The following SAP30BP variants were observed in gnomAD, a reference collection of about 807,000 sequenced individuals.
SAP30BP encodes the protein SAP30 binding protein.
In SAP30BP, 31 loss-of-function variants were observed where a neutral mutation model predicts 46.3. The ratio of observed to expected loss-of-function variants is 0.67; its 90% confidence interval spans 0.50 to 0.90. The LOEUF (loss-of-function observed/expected upper bound fraction) is 0.90. SAP30BP is among the 40% of genes least tolerant of loss of function. The pLI is 0.00. For synonymous variants in SAP30BP, 169 were observed against 144.2 expected, an observed-to-expected ratio of 1.17 and a Z score of -1.23; for missense variants, 312 against 391.0, an observed-to-expected ratio of 0.80 and a Z score of 1.70.
chr17:75,693,578 G>T, intron 4 of SAP30BP, 96 bp downstream of exon 4: 1 of 1,160,054 alleles, frequency 8.6e-7, no homozygotes, highest in Non-Finnish European at 1.3e-6. Flanking sequence ...CAGGGCTTCT[G>T]TCTGCTGTGA....
intron 4 of SAP30BP, among the ~76,000 whole-genome samples, chr17:75,695,051 G>T (rs1056383777): frequency 6.6e-6 from 1 of 152,124 alleles, no homozygotes; most frequent in African/African-American, 2.4e-5. Flanking sequence ...TGCCCCGACC[G>T]TGTTACAGGT....
rs768638737 is a variant in SAP30BP, at chr17:75,706,389, G to T, written c.795G>T (p.Thr265=). ...SKWDSAIPVT[T]IAQPTILTTT... The stretch of plus-strand genomic sequence containing the variant: ...GGGATTCGGCTATCCCAGTGACAAC[G>T]ATAGCCCAGCCCACCATCCTCACCA... The change falls in exon 11 of 11, where the codon ACG becomes ACT. Residue 265 remains threonine (T), a synonymous_variant. Coordinates refer to ENST00000584667, the MANE Select transcript of SAP30BP (RefSeq NM_013260.8). The surrounding 1 kb of genome is among the most constrained non-coding windows in gnomAD (Gnocchi z 4.6). The T allele has an allele frequency of 1.2e-6, 2 of 1,614,024 alleles. No homozygotes were observed. The highest frequency in any genetic ancestry group is 4.5e-5 in the East Asian group (2 of 44,874).
chr17:75,704,069 T>G (rs948445704), intron 8 of SAP30BP, among the ~76,000 whole-genome samples: 1 of 152,178 alleles, frequency 6.6e-6, no homozygotes, highest in Non-Finnish European at 1.5e-5. Context: ...GTCACGCCAG[T>G]AACGCCAGCA....
chr17:75,696,263 A>G (rs2060316193), intron 4 of SAP30BP, among the ~76,000 whole-genome samples: 1 of 152,022 alleles, frequency 6.6e-6, no homozygotes, highest in Non-Finnish European at 1.5e-5. Flanking sequence ...AGCTGGTCGC[A>G]GTGGCTCATG....
Position 75,675,862 on chromosome 17 carries a change from A to C in SAP30BP, c.264+3999A>C, listed in dbSNP as rs1450802684. On this transcript the variant is annotated intron_variant, in intron 3 of 10. Coordinates refer to ENST00000584667, the MANE Select transcript of SAP30BP (RefSeq NM_013260.8). ...AGCCTGGGAGGTAGAGGTTGCAGTG[A>C]GCTGTGATCTTGTCACTGCACTCCA... is the stretch of plus-strand genomic sequence containing the variant. 2.6e-5 allele frequency among the ~76,000 whole-genome samples: 4 copies of C among 152,362 alleles called. No homozygotes were observed. The South Asian group carries it at 6.2e-4, about 24-fold the overall frequency.
At chr17:75,704,716 T>A in intron 8 of SAP30BP, 40 bp from the exon 9 acceptor site, 1 of 1,525,528 alleles carries the variant, frequency 6.6e-7, no homozygotes, top group Non-Finnish European at 9.1e-7. Context: ...CCAGAGCTGC[T>A]CGGGGGCCAC....
At chr17:75,687,322 A>G (rs1188000377) in intron 3 of SAP30BP, among the ~76,000 whole-genome samples, 1 of 152,160 alleles carries the variant, frequency 6.6e-6, no homozygotes, top group Non-Finnish European at 1.5e-5. Context: ...AGTGTTCGGA[A>G]AGAGGATGCA....
chr17:75,704,717 C>CG, intron 8 of SAP30BP, 39 bp from the exon 9 acceptor site: 1 of 1,527,322 alleles, frequency 6.5e-7, no homozygotes, highest in Non-Finnish European at 9.1e-7. Flanking sequence ...CAGAGCTGCT[C>CG]GGGGGCCACC....
intron 3 of SAP30BP, among the ~76,000 whole-genome samples, chr17:75,680,303 A>G (rs572978392): frequency 6.6e-6 from 1 of 152,294 alleles, no homozygotes; most frequent in South Asian, 2.1e-4. Context: ...GGCATTTTTT[A>G]AAAAGGCGTG....
chr17:75,678,460 T>TAA lies in SAP30BP; in HGVS notation c.264+6600_264+6601dup, dbSNP rs1485346400. 1.6e-4 allele frequency among the ~76,000 whole-genome samples: 12 copies of TAA among 77,014 alleles called. No individual in the cohort carries two copies. The Admixed American group carries it at 2.1e-3, about 14-fold the overall frequency. 50.5% of individuals were successfully genotyped at this position (77,014 alleles called of 152,430 possible). On this transcript the variant is annotated intron_variant, in intron 3 of 10. Transcript: ENST00000584667. Reference sequence around the variant, plus strand: ...TGACACGTTCAACACAGACACAATTTAAAACACACACACACACACACACAC... The same window carrying TAA: ...TGACACGTTCAACACAGACACAATTTAAAAAACACACACACACACACACACAC...
At chr17:75,669,278 C>G (rs1392526753) in intron 2 of SAP30BP, among the ~76,000 whole-genome samples, 3 of 152,030 alleles carry the variant, frequency 2.0e-5, no homozygotes, top group Non-Finnish European at 4.4e-5. Flanking sequence ...GAATCTTGCT[C>G]TGTCGCCCAT....
intron 3 of SAP30BP, among the ~76,000 whole-genome samples, chr17:75,685,847 C>T (rs1018555067): frequency 2.0e-5 from 3 of 152,310 alleles, no homozygotes; most frequent in Non-Finnish European, 4.4e-5. Flanking sequence ...TAGATACACC[C>T]GTTCCTGACA....
In SAP30BP at chr17:75,706,760, T is replaced by C; in HGVS notation, c.*239T>C. 6 of 548,260 alleles carry C rather than the reference T, an allele frequency of 1.1e-5. No homozygotes were observed. In the South Asian group the frequency reaches 1.2e-4, roughly 11 times the overall value. 34.0% of individuals were successfully genotyped at this position (548,260 alleles called of 1,614,324 possible). On this transcript the variant is annotated 3_prime_UTR_variant, in exon 11 of 11. Coordinates refer to ENST00000584667, the MANE Select transcript of SAP30BP (RefSeq NM_013260.8). The surrounding 1 kb of genome is among the most constrained non-coding windows in gnomAD (Gnocchi z 4.6). ...CTATTAAAAGTGCCGTATTCTTACC[T>C]CTTGGCATCTCAGATGCACTGGCCT... is the stretch of plus-strand genomic sequence containing the variant.
chr17:75,680,167 T>C (rs1183054892), intron 3 of SAP30BP, among the ~76,000 whole-genome samples: 1 of 152,000 alleles, frequency 6.6e-6, no homozygotes, highest in Non-Finnish European at 1.5e-5. Context: ...TAGGAAAAGA[T>C]CTAGATCTCA....
chr17:75,693,815 C>G (rs1253994657), intron 4 of SAP30BP, among the ~76,000 whole-genome samples: 1 of 152,108 alleles, frequency 6.6e-6, no homozygotes, highest in Non-Finnish European at 1.5e-5. Context: ...TCTTTGCAAC[C>G]CCTCCTCCCC....
chr17:75,674,347 T>G (rs919242348), intron 3 of SAP30BP, among the ~76,000 whole-genome samples: 2 of 152,122 alleles, frequency 1.3e-5, no homozygotes, highest in African/African-American at 2.4e-5. Flanking sequence ...CAGGCTGGAG[T>G]GCAGTGCTGT....
intron 2 of SAP30BP, 51 bp from the exon 3 acceptor site, chr17:75,671,765 T>C: frequency 6.8e-7 from 1 of 1,464,212 alleles, no homozygotes; most frequent in South Asian, 1.1e-5. Flanking sequence ...CATGTGAGAC[T>C]CCTCAGGCCC....
chr17:75,667,588 C>G, intron 1 of SAP30BP, 110 bp downstream of exon 1: 1 of 955,774 alleles, frequency 1.0e-6, no homozygotes. Context: ...AGCACCGGAC[C>G]CCGAAGAATG....
intron 3 of SAP30BP, among the ~76,000 whole-genome samples, chr17:75,689,991 A>G (rs538856618): frequency 6.6e-6 from 1 of 152,320 alleles, no homozygotes; most frequent in South Asian, 2.1e-4. Flanking sequence ...TGAGGAATGA[A>G]AAATTACCTA....
Sources: gnomAD v4.1 joint callset for allele counts (sites outside exome capture counted in the v4.1 genomes callset) on GRCh38, gnomAD v4.1.1 for gene constraint, Gnocchi (gnomAD v3.1) non-coding constraint, MANE v1.5 for transcripts, NCBI Gene and HGNC (gene_info 2026-07-23, HGNC 2026-07-21) for gene names.